The following CABLES2 variants were observed in gnomAD, a reference collection of about 807,000 sequenced individuals.
CABLES2 encodes CDK5 and ABL1 enzyme substrate 2.
In CABLES2, 35 loss-of-function variants were observed where a neutral mutation model predicts 44.8. That is an observed-to-expected ratio of 0.78 (90% CI 0.60 to 1.04). The LOEUF (loss-of-function observed/expected upper bound fraction) is 1.04, where lower values mean the gene tolerates loss of function less well. Among genes scored for constraint, CABLES2 ranks in the 50% least tolerant of loss-of-function variants. The probability of loss-of-function intolerance (pLI) is 0.00; values close to 1 mark genes in which losing one functional copy is unlikely to be tolerated. For synonymous variants in CABLES2, 282 were observed against 281.1 expected, an observed-to-expected ratio of 1.00 and a Z score of -0.03; for missense variants, 566 against 615.7, an observed-to-expected ratio of 0.92 and a Z score of 0.85.
chr20:62,391,336 G>A lies in CABLES2; in HGVS notation c.1209C>T (p.Asn403=). The change falls in exon 9 of 10, where the codon AAC becomes AAT. Residue 403 remains asparagine (N), a synonymous_variant. Transcript: ENST00000279101. This position sits in a 1 kb window ranked among gnomAD's most constrained non-coding sequence, Gnocchi z 5.7. ...LVLQGKLSKQ[N]RKLCAGACVL... ...CGCAGGCGCCAGCGCACAGCTTGCGGTTCTGTTTGCTGAGCTTGCCCTGCA... is the reference window on the plus strand; with the variant it reads ...CGCAGGCGCCAGCGCACAGCTTGCGATTCTGTTTGCTGAGCTTGCCCTGCA... The A allele has an allele frequency of 2.5e-6, 4 of 1,613,388 alleles. No individual in the cohort carries two copies. The highest frequency in any genetic ancestry group is 3.4e-6 in the Non-Finnish European group (4 of 1,180,030).
At position 62,394,998 on chromosome 20, in the gene CABLES2, C is replaced by A; in HGVS notation, c.544G>T (p.Ala182Ser). 6.2e-7 allele frequency: 1 copy of A among 1,612,904 alleles called. No homozygotes were observed. The highest frequency in any genetic ancestry group is 8.5e-7 in the Non-Finnish European group (1 of 1,179,904). The part of the protein sequence containing the change: ...TRNSRIVLIC[A>S]KRSLCAAFSV... ...AAGGCCGCGCACAGGGACCGCTTGG[C>A]ACAGATGAGCACGATCCTGCAGGGG... Residue 182 changes from alanine (A) to serine (S), a missense_variant, in exon 4 of 10, where the codon GCC (alanine) becomes TCC (serine). This residue lies in a region of CABLES2 where 436 missense variants were observed against 536.3 expected (regional missense o/e 0.81). Coordinates refer to ENST00000279101, the MANE Select transcript of CABLES2 (RefSeq NM_031215.3).
chr20:62,396,434 C>G lies in CABLES2; in HGVS notation c.435-27G>C, dbSNP rs1211972942. 6.2e-7 allele frequency: 1 copy of G among 1,613,560 alleles called. No homozygotes were observed. The highest frequency in any genetic ancestry group is 1.3e-5 in the African/African-American group (1 of 74,866). Reference sequence around the variant, plus strand: ...TGCAAGGCAAAGGACACAGGTCACTCTTTTCCTCCCAGGACCCTCTGGCCC... The same window carrying G: ...TGCAAGGCAAAGGACACAGGTCACTGTTTTCCTCCCAGGACCCTCTGGCCC... On this transcript the variant is annotated intron_variant, in intron 2 of 9. Coordinates refer to ENST00000279101, the MANE Select transcript of CABLES2 (RefSeq NM_031215.3). This position sits in a 1 kb window ranked among gnomAD's most constrained non-coding sequence, Gnocchi z 5.7.
chr20:62,399,886 A>G (rs962112950), intron 1 of CABLES2, among the ~76,000 whole-genome samples: 13 of 152,138 alleles, frequency 8.5e-5, no homozygotes, highest in Non-Finnish European at 1.6e-4. Context: ...GAGCCACCAT[A>G]TTGTATAACG....
At position 62,388,701 on chromosome 20, in the gene CABLES2, C is replaced by G; in HGVS notation, c.*2270G>C. 2 of 584,294 alleles carry G rather than the reference C, an allele frequency of 3.4e-6. No homozygotes were observed. Among genetic ancestry groups the G allele is most frequent in the Admixed American group, 3.3e-5 (1 of 30,656 alleles). 36.2% of individuals were successfully genotyped at this position (584,294 alleles called of 1,614,324 possible). On this transcript the variant is annotated 3_prime_UTR_variant, in exon 10 of 10. Coordinates refer to ENST00000279101, the MANE Select transcript of CABLES2 (RefSeq NM_031215.3). ...AAAACAGATATCTAAGACAAAATAA[C>G]TCAAACATTCTGAGGTCTGATACTT...
chr20:62,401,319 G>A (rs1307022615), intron 1 of CABLES2, among the ~76,000 whole-genome samples: 2 of 152,248 alleles, frequency 1.3e-5, no homozygotes, highest in African/African-American at 4.8e-5. Flanking sequence ...GCCTCCACGG[G>A]AGCTGGTGTC....
rs1488231792 is a variant in CABLES2 at position 62,394,963 on chromosome 20, C to T, written c.579G>A (p.Leu193=). 1 of 1,612,978 alleles carries T rather than the reference C, an allele frequency of 6.2e-7. No homozygotes were observed. Among genetic ancestry groups the T allele is most frequent in the Non-Finnish European group, 8.5e-7 (1 of 1,179,940 alleles). ...TGATCCGCAGGCCTTCCCCATAGGGCAGGACCGAGAAGGCCGCGCACAGGG... is the reference window on the plus strand; with the variant it reads ...TGATCCGCAGGCCTTCCCCATAGGGTAGGACCGAGAAGGCCGCGCACAGGG... The part of the protein sequence containing the change: ...KRSLCAAFSV[L]PYGEGLRISD... The change falls in exon 4 of 10, where the codon CTG becomes CTA. Residue 193 remains leucine, a synonymous_variant. Coordinates refer to ENST00000279101, the MANE Select transcript of CABLES2 (RefSeq NM_031215.3).
At chr20:62,397,929 G>GTGGTGATAATGGTGA (rs1555890658) in intron 1 of CABLES2, among the ~76,000 whole-genome samples, 1 of 116,122 alleles carries the variant, frequency 8.6e-6, no homozygotes, top group Non-Finnish European at 1.7e-5. Context: ...GGTGATGGTG[G>GTGGTGATAATGGTGA]TGGTGGTGAT....
chr20:62,398,932 C>T (rs1027061866), intron 1 of CABLES2, among the ~76,000 whole-genome samples: 7 of 152,368 alleles, frequency 4.6e-5, no homozygotes, highest in African/African-American at 1.4e-4. Flanking sequence ...CACCTTGACG[C>T]CAACATTGAT....
At chr20:62,398,089 C>CGTGGTGGTGGT (rs1988086330) in intron 1 of CABLES2, among the ~76,000 whole-genome samples, 2 of 54,854 alleles carry the variant, frequency 3.6e-5, no homozygotes, top group Admixed American at 1.8e-4. Flanking sequence ...GTGGTGGTGA[C>CGTGGTGGTGGT]GGTGGTGGTG....
chr20:62,400,985 C>T (rs1461104364), intron 1 of CABLES2, among the ~76,000 whole-genome samples: 1 of 152,190 alleles, frequency 6.6e-6, no homozygotes, highest in Non-Finnish European at 1.5e-5. Flanking sequence ...ACGCTCAGTT[C>T]ATGGGTGGGT....
Position 62,396,416 on chromosome 20 carries a change from C to T in CABLES2, c.435-9G>A, listed in dbSNP as rs61744295. 138 of 1,613,856 alleles carry T rather than the reference C, an allele frequency of 8.6e-5. No homozygotes were observed. The African/African-American group carries it at 1.6e-3, about 18-fold the overall frequency. ...CAGATGTGTGTTTGGTTCTGCAAGG[C>T]AAAGGACACAGGTCACTCTTTTCCT... is the stretch of plus-strand genomic sequence containing the variant. On this transcript the variant is annotated splice_polypyrimidine_tract_variant and intron_variant, in intron 2 of 9. Transcript: ENST00000279101. The surrounding 1 kb of genome is among the most constrained non-coding windows in gnomAD (Gnocchi z 5.7).
chr20:62,392,604 G>T (rs1027036528), intron 7 of CABLES2, 109 bp from the exon 8 acceptor site: 6 of 832,232 alleles, frequency 7.2e-6, no homozygotes, highest in Admixed American at 3.8e-5. Flanking sequence ...ACATGCATAC[G>T]GTGTGGCTTG....
At chr20:62,392,529 C>T in intron 7 of CABLES2, 34 bp from the exon 8 acceptor site, 1 of 1,488,474 alleles carries the variant, frequency 6.7e-7, no homozygotes, top group Non-Finnish European at 9.4e-7. Flanking sequence ...TGGGCCGGCC[C>T]CTCGCACAGT....
chr20:62,397,995 A>ACAG (rs1988066578), intron 1 of CABLES2, among the ~76,000 whole-genome samples: 1 of 57,116 alleles, frequency 1.8e-5, no homozygotes, highest in African/African-American at 9.1e-5. Flanking sequence ...GGTGGTGGTG[A>ACAG]TGATGGTGAT....
intron 1 of CABLES2, among the ~76,000 whole-genome samples, chr20:62,406,605 G>C (rs142325039): frequency 2.5e-3 from 117 of 46,104 alleles, no homozygotes; most frequent in African/African-American, 0.02. Context: ...GGACTGACAA[G>C]GTCCCAGGTG....
At chr20:62,397,811 G>A (rs1773225166) in intron 1 of CABLES2, among the ~76,000 whole-genome samples, 2 of 152,216 alleles carry the variant, frequency 1.3e-5, no homozygotes, top group Admixed American at 6.5e-5. Flanking sequence ...AATGATGGGC[G>A]ATGTGGCGTG....
At position 62,392,930 on chromosome 20, in the gene CABLES2, G is replaced by T. The variant is rs759284590; in HGVS notation, c.974C>A (p.Ala325Glu). 1 of 1,613,630 alleles carries T rather than the reference G, an allele frequency of 6.2e-7. No homozygotes were observed. The highest frequency in any genetic ancestry group is 8.5e-7 in the Non-Finnish European group (1 of 1,179,810). The change falls in exon 7 of 10, where the codon GCG (alanine) becomes GAG (glutamate). Residue 325 changes from alanine to glutamate, a missense_variant. Ala to Glu is a moderately radical substitution (Grantham distance 107). This residue lies in a region of CABLES2 where 436 missense variants were observed against 536.3 expected (regional missense o/e 0.81). Coordinates refer to ENST00000279101, the MANE Select transcript of CABLES2 (RefSeq NM_031215.3). ...GGAGAGGGCACTCACCATGTACGAC[G>T]CAAAGATGAGGACACGTTTGTGCTT... ...CGKHKRVLIF[A>E]SYMTTVIEYV... is the part of the protein sequence containing the mutation.
At position 62,389,590 on chromosome 20, in the gene CABLES2, G is replaced by C. The variant is rs998853956; in HGVS notation, c.*1381C>G. 1.3e-5 allele frequency: 2 copies of C among 152,358 alleles called. No homozygotes were observed. The highest frequency in any genetic ancestry group is 3.9e-4 in the East Asian group (2 of 5,190). 9.4% of individuals were successfully genotyped at this position (152,358 alleles called of 1,614,324 possible). A position where few individuals can be genotyped will look rare whatever the true frequency, so the allele number is the denominator to read the frequency against. On this transcript the variant is annotated 3_prime_UTR_variant, in exon 10 of 10. Coordinates refer to ENST00000279101, the MANE Select transcript of CABLES2 (RefSeq NM_031215.3). ...GGATGTATTGTATTAATGGGCTAGA[G>C]ACAAAGTCGTCCCAGAGCCCCTCCA... is the stretch of plus-strand genomic sequence containing the variant.
At chr20:62,393,143 T>C (rs1010347322) in intron 6 of CABLES2, 120 bp from the exon 7 acceptor site, 8 of 900,414 alleles carry the variant, frequency 8.9e-6, no homozygotes, top group Non-Finnish European at 1.4e-5. Flanking sequence ...CTCTAGGCCA[T>C]GGTTCTCTCC....
Sources: gnomAD v4.1 joint callset for allele counts (sites outside exome capture counted in the v4.1 genomes callset) on GRCh38, gnomAD v4.1.1 for gene constraint, gnomAD v4.1.1 regional missense constraint, Gnocchi (gnomAD v3.1) non-coding constraint, MANE v1.5 for transcripts, NCBI Gene and HGNC (gene_info 2026-07-23, HGNC 2026-07-21) for gene names.